ZNHIT6: variants seen among roughly 807,000 people sequenced by gnomAD.
The protein encoded by ZNHIT6 is box C/D snoRNA protein 1.
In ZNHIT6, 45 loss-of-function variants were observed where a neutral mutation model predicts 57.2. The observed-to-expected ratio is 0.79, with a 90% confidence interval of 0.62 to 1.01. ZNHIT6 has a LOEUF of 1.01. Among genes scored for constraint, ZNHIT6 ranks in the 50% least tolerant of loss-of-function variants. The pLI is 0.00. For synonymous variants in ZNHIT6, 188 were observed against 190.0 expected, an observed-to-expected ratio of 0.99 and a Z score of 0.09; for missense variants, 528 against 567.3, an observed-to-expected ratio of 0.93 and a Z score of 0.70.
At position 85,657,856 on chromosome 1, in the gene ZNHIT6, G is replaced by C; in HGVS notation, c.1363C>G (p.Leu455Val). Residue 455 changes from leucine to valine, a missense_variant, in exon 9 of 10, where the codon CTT becomes GTT. By Grantham distance (32) the Leu-to-Val change is conservative. Coordinates refer to ENST00000370574, the MANE Select transcript of ZNHIT6 (RefSeq NM_017953.4). ...LKGSNNDMKVLHQVKSESTKN... is the reference protein window; with the variant it reads ...LKGSNNDMKVVHQVKSESTKN... ...ACAAATTTACACTTACCTTGGTGAA[G>C]AACTTTCATGTCATTATTGGATCCT... 1.2e-6 allele frequency: 2 copies of C among 1,606,522 alleles called. No homozygotes were observed. Among genetic ancestry groups the C allele is most frequent in the Non-Finnish European group, 1.7e-6 (2 of 1,177,588 alleles).
chr1:85,690,201 G>T (rs927851314), intron 5 of ZNHIT6, among the ~76,000 whole-genome samples: 2 of 152,054 alleles, frequency 1.3e-5, no homozygotes, highest in Admixed American at 1.3e-4. Flanking sequence ...TGGATCACTC[G>T]TACGAACAGG....
intron 9 of ZNHIT6, among the ~76,000 whole-genome samples, chr1:85,656,733 C>T (rs898777187): frequency 5.9e-5 from 9 of 152,018 alleles, no homozygotes; most frequent in Non-Finnish European, 8.8e-5. Flanking sequence ...TTTAGAGGCC[C>T]ATAATTTATT....
intron 8 of ZNHIT6, 46 bp downstream of exon 8, chr1:85,677,180 AATTATATTAC>A: frequency 7.6e-7 from 1 of 1,321,390 alleles, no homozygotes; most frequent in Non-Finnish European, 1.0e-6. Flanking sequence ...CAAGCTACTT[AATTATATTAC>A]AGAACTAAAA....
intron 8 of ZNHIT6, among the ~76,000 whole-genome samples, chr1:85,673,233 T>C (rs1661611494): frequency 6.6e-6 from 1 of 152,222 alleles, no homozygotes; most frequent in African/African-American, 2.4e-5. Context: ...ATCTAGACTT[T>C]GGCATACTCA....
chr1:85,698,710 T>C (rs908279042), intron 5 of ZNHIT6, among the ~76,000 whole-genome samples: 64 of 152,230 alleles, frequency 4.2e-4, no homozygotes, highest in African/African-American at 1.5e-3. Flanking sequence ...TCTCCAAAAC[T>C]GAAAGATTTT....
intron 4 of ZNHIT6, among the ~76,000 whole-genome samples, chr1:85,703,256 A>C (rs1348642656): frequency 2.0e-5 from 3 of 152,206 alleles, no homozygotes; most frequent in African/African-American, 7.2e-5. Context: ...AGAGGAAAAA[A>C]GAAAAAAAAT....
At chr1:85,675,401 G>A (rs9701898) in intron 8 of ZNHIT6, among the ~76,000 whole-genome samples, 137,876 of 152,236 alleles carry the variant, frequency 0.91, 63,081 homozygotes, top group Non-Finnish European at 0.97. Context: ...AAGCAGCAAT[G>A]TTTTGAAAAC....
chr1:85,670,398 G>A (rs918442677), intron 8 of ZNHIT6, among the ~76,000 whole-genome samples: 48 of 152,032 alleles, frequency 3.2e-4, no homozygotes, highest in African/African-American at 9.9e-4. Context: ...GGGTATTAAC[G>A]TGGCATCAAT....
intron 8 of ZNHIT6, among the ~76,000 whole-genome samples, chr1:85,667,980 AT>A (rs1423698641): frequency 1.0e-5 from 1 of 97,744 alleles, no homozygotes; most frequent in Non-Finnish European, 2.1e-5. Context: ...ATATATATAT[AT>A]ATATGCTCTG....
chr1:85,707,628 C>T lies in ZNHIT6; in HGVS notation c.656+1G>A. 1.3e-6 allele frequency: 2 copies of T among 1,545,532 alleles called. No individual in the cohort carries two copies. Among genetic ancestry groups the T allele is most frequent in the Non-Finnish European group, 1.7e-6 (2 of 1,150,670 alleles). ...CCTAAATGGAATCCCCCATGCCCTACCTTGACATGGCCAGTTTCCGCTTGC... is the reference window on the plus strand; with the variant it reads ...CCTAAATGGAATCCCCCATGCCCTATCTTGACATGGCCAGTTTCCGCTTGC... On this transcript the variant is annotated splice_donor_variant, in intron 1 of 9. Transcript: ENST00000370574. LOFTEE classifies it high-confidence loss of function.
At chr1:85,664,566 T>C (rs1175359475) in intron 8 of ZNHIT6, among the ~76,000 whole-genome samples, 6 of 152,216 alleles carry the variant, frequency 3.9e-5, no homozygotes, top group Middle Eastern at 3.4e-3. Flanking sequence ...TTCTCACTTA[T>C]AAGTGGGAGC....
chr1:85,681,439 G>A (rs944654789), intron 5 of ZNHIT6, among the ~76,000 whole-genome samples: 1 of 152,114 alleles, frequency 6.6e-6, no homozygotes, highest in Non-Finnish European at 1.5e-5. Flanking sequence ...CTCACTAAAT[G>A]TCTGATTTTA....
chr1:85,688,930 G>C (rs1396382110), intron 5 of ZNHIT6, among the ~76,000 whole-genome samples: 1 of 152,162 alleles, frequency 6.6e-6, no homozygotes. Flanking sequence ...TCAGTTATGA[G>C]AGTCAAAATG....
At chr1:85,694,883 A>G (rs1172890629) in intron 5 of ZNHIT6, among the ~76,000 whole-genome samples, 1 of 152,220 alleles carries the variant, frequency 6.6e-6, no homozygotes, top group Non-Finnish European at 1.5e-5. Context: ...AGGGGGCAGT[A>G]AAGACTTCTG....
At chr1:85,664,565 A>T (rs540957670) in intron 8 of ZNHIT6, among the ~76,000 whole-genome samples, 2 of 152,222 alleles carry the variant, frequency 1.3e-5, no homozygotes, top group South Asian at 4.2e-4. Context: ...GTTCTCACTT[A>T]TAAGTGGGAG....
At chr1:85,664,873 C>G (rs1661324657) in intron 8 of ZNHIT6, among the ~76,000 whole-genome samples, 1 of 152,114 alleles carries the variant, frequency 6.6e-6, no homozygotes, top group African/African-American at 2.4e-5. Context: ...GCTCTGTCAC[C>G]CAGGCTAGAG....
rs557665284 is a variant in ZNHIT6 at position 85,677,479 on chromosome 1, AT to A, written c.1170-167del. Among the ~76,000 whole-genome samples the A allele has an allele frequency of 5.1e-3, 769 of 152,242 alleles. 4 individuals carry two copies. The highest frequency in any genetic ancestry group is 0.017 in the African/African-American group (727 of 41,544). On this transcript the variant is annotated intron_variant, in intron 7 of 9. Coordinates refer to ENST00000370574, the MANE Select transcript of ZNHIT6 (RefSeq NM_017953.4). Reference sequence around the variant, plus strand: ...TAACCAGAAATCTGAAAAGAAAATAATTTTTTTCCTTTGTTCAATTAAACAT... The same window carrying A: ...TAACCAGAAATCTGAAAAGAAAATAATTTTTTCCTTTGTTCAATTAAACAT...
rs1660937809 is a variant in ZNHIT6 at position 85,652,425 on chromosome 1, T to C, written c.*1633A>G. 1 of 152,206 alleles carries C rather than the reference T, an allele frequency of 6.6e-6. No homozygotes were observed. The highest frequency in any genetic ancestry group is 6.5e-5 in the Admixed American group (1 of 15,290). 9.4% of individuals were successfully genotyped at this position (152,206 alleles called of 1,614,324 possible). The stretch of plus-strand genomic sequence containing the variant: ...AACGTAATTCTACACAAATTCTTTA[T>C]CATATATTAGAAGATTCCTGATGTT... On this transcript the variant is annotated 3_prime_UTR_variant, in exon 10 of 10. Coordinates refer to ENST00000370574, the MANE Select transcript of ZNHIT6 (RefSeq NM_017953.4).
chr1:85,706,605 A>C, intron 1 of ZNHIT6, 98 bp from the exon 2 acceptor site: 4 of 1,097,784 alleles, frequency 3.6e-6, no homozygotes, highest in Non-Finnish European at 4.9e-6. Flanking sequence ...AGTGACAAGT[A>C]ACTGATAAAA....
Sources: allele counts gnomAD v4.1 joint callset (sites outside exome capture counted in the v4.1 genomes callset), GRCh38; gene constraint gnomAD v4.1.1; transcripts MANE v1.5; gene names NCBI Gene and HGNC (gene_info 2026-07-23, HGNC 2026-07-21).